ZNF197: variants seen among roughly 807,000 people sequenced by gnomAD.
The protein encoded by ZNF197 is zinc finger protein 197, also known as VHL-associated KRAB-A domain-containing protein.
Under a neutral mutation model 27.4 loss-of-function variants are expected in ZNF197, and 14 were observed. That is an observed-to-expected ratio of 0.51 (90% CI 0.34 to 0.80). The LOEUF is 0.80. Ranked by LOEUF, ZNF197 falls within the 30% of genes least tolerant of loss-of-function variation. The pLI is 0.02. For synonymous variants in ZNF197, 415 were observed against 420.0 expected (o/e 0.99, Z 0.15); for missense variants, 1,090 against 1,222.6 (o/e 0.89, Z 1.62).
chr3:44,643,266 G>C lies in ZNF197; in HGVS notation c.2136G>C (p.Gly712=). The C allele has an allele frequency of 6.2e-7, 1 of 1,614,120 alleles. No individual in the cohort carries two copies. Among genetic ancestry groups the C allele is most frequent in the South Asian group, 1.1e-5 (1 of 91,068 alleles). ...AGCCATATGAATGTCGAGAGTGTGG[G>C]AAAACCTTTATTATGAGCAAAAGTT... ...GEKPYECREC[G]KTFIMSKSFM... The change falls in exon 6 of 6, where the codon GGG becomes GGC. Residue 712 remains glycine (G), a synonymous_variant. Transcript: ENST00000344387.
chr3:44,644,563 G>A lies in ZNF197; in HGVS notation c.*343G>A. On this transcript the variant is annotated 3_prime_UTR_variant, in exon 6 of 6. Coordinates refer to ENST00000344387, the MANE Select transcript of ZNF197 (RefSeq NM_006991.5). ...TGAGACAGGAGAGTCGCTTGAACCT[G>A]GGAGGGCGGAGGTTGCAGTGAGCCA... 1 of 931,552 alleles carries A rather than the reference G, an allele frequency of 1.1e-6. No individual in the cohort carries two copies. Among genetic ancestry groups the A allele is most frequent in the Non-Finnish European group, 1.3e-6 (1 of 776,652 alleles). 57.7% of individuals were successfully genotyped at this position (931,552 alleles called of 1,614,324 possible).
In ZNF197 at chr3:44,646,134, C is replaced by G. The variant is rs745996078; in HGVS notation, c.*1914C>G. On this transcript the variant is annotated 3_prime_UTR_variant, in exon 6 of 6. Coordinates refer to ENST00000344387, the MANE Select transcript of ZNF197 (RefSeq NM_006991.5). ...GGGCCTAAGGCTTAAAGTCTTAAGACCTGGATGTGGTTCAGGTTTTGCCAT... is the reference window on the plus strand; with the variant it reads ...GGGCCTAAGGCTTAAAGTCTTAAGAGCTGGATGTGGTTCAGGTTTTGCCAT... 4.1e-6 allele frequency: 4 copies of G among 985,024 alleles called. No individual in the cohort carries two copies. The highest frequency in any genetic ancestry group is 4.8e-6 in the Non-Finnish European group (4 of 829,738). The allele number at this position is 985,024 out of a possible 1,614,324, so 61.0% of individuals were successfully genotyped here. A position where few individuals can be genotyped will look rare whatever the true frequency, so the allele number is the denominator to read the frequency against.
At chr3:44,629,685 C>T (rs1701872493) in intron 2 of ZNF197, 141 bp downstream of exon 2, 2 of 1,155,124 alleles carry the variant, frequency 1.7e-6, no homozygotes, top group Non-Finnish European at 1.2e-6. Context: ...ATAATTAAAG[C>T]AGGTCCATGA....
At position 44,644,023 on chromosome 3, in the gene ZNF197, A is replaced by G. The variant is rs1702798679; in HGVS notation, c.2893A>G (p.Lys965Glu). The change falls in exon 6 of 6, where the codon AAA becomes GAA. Residue 965 changes from lysine (K) to glutamate (E), a missense_variant. Coordinates refer to ENST00000344387, the MANE Select transcript of ZNF197 (RefSeq NM_006991.5). ...EKPYGCNDCS[K>E]VFRQRKNLTV... ...ACCCTATGGGTGTAATGATTGTAGT[A>G]AAGTTTTTAGGCAAAGAAAAAACCT... 2 of 1,614,084 alleles carry G rather than the reference A, an allele frequency of 1.2e-6. No homozygotes were observed. Among genetic ancestry groups the G allele is most frequent in the Non-Finnish European group, 8.5e-7 (1 of 1,179,994 alleles).
intron 5 of ZNF197, 59 bp downstream of exon 5, chr3:44,632,658 T>C: frequency 3.6e-6 from 5 of 1,385,604 alleles, no homozygotes; most frequent in Non-Finnish European, 4.7e-6. Flanking sequence ...ATTTGTTTTC[T>C]GATTATAAAA....
At chr3:44,627,698 G>C (rs1415219280) in intron 1 of ZNF197, among the ~76,000 whole-genome samples, 1 of 151,870 alleles carries the variant, frequency 6.6e-6, no homozygotes, top group Non-Finnish European at 1.5e-5. Flanking sequence ...GGGCATGGTG[G>C]TGCGAGCCTG....
At position 44,631,088 on chromosome 3, in the gene ZNF197, C is replaced by T. The variant is rs1252974017; in HGVS notation, c.417C>T (p.Asp139=). 6.2e-7 allele frequency: 1 copy of T among 1,614,032 alleles called. No individual in the cohort carries two copies. Among genetic ancestry groups the T allele is most frequent in the Admixed American group, 1.7e-5 (1 of 59,996 alleles). Reference sequence around the variant, plus strand: ...TTCCAGTCCTTGTCAAGGATCAGGACACTCTCCAGAAGGTGGTGAGTGCCC... The same window carrying T: ...TTCCAGTCCTTGTCAAGGATCAGGATACTCTCCAGAAGGTGGTGAGTGCCC... ...IQVPVLVKDQ[D]TLQKVVSAPG... is the part of the protein sequence containing the mutation. Residue 139 remains aspartate, a synonymous_variant, in exon 3 of 6, where the codon GAC becomes GAT. Coordinates refer to ENST00000344387, the MANE Select transcript of ZNF197 (RefSeq NM_006991.5).
chr3:44,627,736 C>G (rs1320453126), intron 1 of ZNF197, among the ~76,000 whole-genome samples: 1 of 149,428 alleles, frequency 6.7e-6, no homozygotes, highest in African/African-American at 2.5e-5. Context: ...AAAGCTGAGA[C>G]AGGAAAATTG....
chr3:44,636,304 CAA>C (rs1304837972), intron 5 of ZNF197, among the ~76,000 whole-genome samples: 42 of 77,260 alleles, frequency 5.4e-4, no homozygotes, highest in East Asian at 1.7e-3. Flanking sequence ...GACTCCGTCT[CAA>C]AAAAAAAAAA....
chr3:44,628,921 T>G, intron 1 of ZNF197, 153 bp from the exon 2 acceptor site: 2 of 406,466 alleles, frequency 4.9e-6, no homozygotes, highest in South Asian at 4.7e-5. Flanking sequence ...AGGCAGGGGG[T>G]TTCTGTCAGA....
intron 3 of ZNF197, 149 bp from the exon 4 acceptor site, chr3:44,631,956 T>C (rs866874211): frequency 1.3e-5 from 9 of 717,068 alleles, no homozygotes; most frequent in Middle Eastern, 2.6e-4. Flanking sequence ...CCACCTCGGC[T>C]TCCCAAAGCT....
intron 5 of ZNF197, among the ~76,000 whole-genome samples, chr3:44,636,079 C>T (rs182185843): frequency 7.9e-5 from 12 of 152,178 alleles, no homozygotes; most frequent in Admixed American, 7.2e-4. Flanking sequence ...CCAAGGCAGG[C>T]GGATCACGAG....
intron 5 of ZNF197, among the ~76,000 whole-genome samples, chr3:44,634,146 A>T (rs766140156): frequency 6.6e-6 from 1 of 152,166 alleles, no homozygotes; most frequent in Non-Finnish European, 1.5e-5. Context: ...TTTTAATTAA[A>T]TCTTTGCTAG....
In ZNF197 at chr3:44,647,703, C is replaced by T. The variant is rs1703039557; in HGVS notation, c.*3483C>T. On this transcript the variant is annotated 3_prime_UTR_variant, in exon 6 of 6. Transcript: ENST00000344387. ...CTGAGTGAAAATAATCACAAAAGGC[C>T]ATATTCTGTATGAAAATATTCATAT... The T allele has an allele frequency of 6.6e-6, 1 of 152,030 alleles. No individual in the cohort carries two copies. Among genetic ancestry groups the T allele is most frequent in the Admixed American group, 6.6e-5 (1 of 15,262 alleles). 9.4% of individuals were successfully genotyped at this position (152,030 alleles called of 1,614,324 possible).
intron 1 of ZNF197, among the ~76,000 whole-genome samples, chr3:44,628,309 C>T (rs1257967765): frequency 6.6e-6 from 1 of 152,130 alleles, no homozygotes; most frequent in Non-Finnish European, 1.5e-5. Context: ...CAGATGATTT[C>T]TAGAGAGCAA....
intron 1 of ZNF197, among the ~76,000 whole-genome samples, 198 bp downstream of exon 1, chr3:44,625,341 A>C (rs933522236): frequency 6.6e-6 from 1 of 152,198 alleles, no homozygotes; most frequent in East Asian, 1.9e-4. Context: ...GGAAGTACTG[A>C]GGACAGCAGC....
chr3:44,643,701 C>T lies in ZNF197; in HGVS notation c.2571C>T (p.Tyr857=), dbSNP rs1350844721. The T allele has an allele frequency of 1.2e-6, 2 of 1,613,844 alleles. No individual in the cohort carries two copies. Residue 857 remains tyrosine, a synonymous_variant, in exon 6 of 6, where the codon TAC becomes TAT. Transcript: ENST00000344387. ...GTGAGTGTGGAAAAGGTTTTACGTACAACAGAAACCTGATTGAACATCAAA... is the reference window on the plus strand; with the variant it reads ...GTGAGTGTGGAAAAGGTTTTACGTATAACAGAAACCTGATTGAACATCAAA... ...ACSECGKGFT[Y]NRNLIEHQRI...
At position 44,640,675 on chromosome 3, in the gene ZNF197, G is replaced by T. The variant is rs1023152254; in HGVS notation, c.770-1225G>T. ...TTACAGGCATGAGCCACCATGCCCG[G>T]CCTCTCCTTATGTTTGAAACCTCAC... On this transcript the variant is annotated intron_variant, in intron 5 of 5. Coordinates refer to ENST00000344387, the MANE Select transcript of ZNF197 (RefSeq NM_006991.5). The surrounding 1 kb of genome is among the most constrained non-coding windows in gnomAD (Gnocchi z 4.0). 6.6e-6 allele frequency among the ~76,000 whole-genome samples: 1 copy of T among 152,166 alleles called. No individual in the cohort carries two copies. The highest frequency in any genetic ancestry group is 1.5e-5 in the Non-Finnish European group (1 of 68,032).
intron 5 of ZNF197, among the ~76,000 whole-genome samples, chr3:44,632,881 CAT>C (rs1164591790): frequency 6.6e-6 from 1 of 152,066 alleles, no homozygotes. Context: ...TGTGTTCTCA[CAT>C]GTTACAAACT....
Sources: allele counts gnomAD v4.1 joint callset (sites outside exome capture counted in the v4.1 genomes callset), GRCh38; gene constraint gnomAD v4.1.1; non-coding constraint Gnocchi (gnomAD v3.1); transcripts MANE v1.5; gene names NCBI Gene and HGNC (gene_info 2026-07-23, HGNC 2026-07-21).